Variants in DMXL2 observed in about 807,000 individuals in gnomAD.
DMXL2 encodes Dmx like 2.
In DMXL2, 103 loss-of-function variants were observed where a neutral mutation model predicts 331.1. The ratio of observed to expected loss-of-function variants is 0.31; its 90% confidence interval spans 0.27 to 0.37. DMXL2 has a LOEUF of 0.37. Among genes scored for constraint, DMXL2 ranks in the 10% least tolerant of loss-of-function variants. DMXL2 has a pLI of 1.00. For missense variants in DMXL2, 3,171 were observed against 3,642.9 expected (o/e 0.87, Z 3.33); for synonymous variants, 1,281 against 1,252.1 (o/e 1.02, Z -0.49).
intron 33 of DMXL2, among the ~76,000 whole-genome samples, chr15:51,461,433 A>ATACT (rs2040111608): frequency 6.6e-6 from 1 of 152,332 alleles, no homozygotes; most frequent in African/African-American, 2.4e-5. Context: ...AACCTTACCA[A>ATACT]TACTTAAAAC....
chr15:51,488,254 T>A, intron 21 of DMXL2, 135 bp from the exon 22 acceptor site: 1 of 861,550 alleles, frequency 1.2e-6, no homozygotes, highest in Non-Finnish European at 1.7e-6. Flanking sequence ...GCATTTGTTA[T>A]CAAGCATCTC....
chr15:51,453,773 T>TAA, intron 40 of DMXL2, 132 bp from the exon 41 acceptor site: 1 of 678,714 alleles, frequency 1.5e-6, no homozygotes, highest in East Asian at 3.0e-5. Context: ...CGGTCTAGGA[T>TAA]AAAAGAATAA....
intron 1 of DMXL2, among the ~76,000 whole-genome samples, chr15:51,589,000 C>G (rs1018429161): frequency 1.3e-5 from 2 of 152,154 alleles, no homozygotes; most frequent in African/African-American, 4.8e-5. Flanking sequence ...TAAGCAGGCA[C>G]AGTATGTTCT....
chr15:51,512,041 G>A (rs140705296), intron 15 of DMXL2, among the ~76,000 whole-genome samples: 3 of 152,058 alleles, frequency 2.0e-5, no homozygotes, highest in Non-Finnish European at 4.4e-5. Context: ...GGGCCTGTTG[G>A]GGGGTGGGGG....
intron 33 of DMXL2, among the ~76,000 whole-genome samples, chr15:51,462,485 G>A (rs766258916): frequency 2.6e-5 from 4 of 151,942 alleles, no homozygotes; most frequent in African/African-American, 4.8e-5. Context: ...ACAGACATGC[G>A]CCACCACGCC....
intron 28 of DMXL2, among the ~76,000 whole-genome samples, chr15:51,473,184 C>G (rs1319355391): frequency 2.0e-5 from 3 of 152,200 alleles, no homozygotes; most frequent in Non-Finnish European, 2.9e-5. Flanking sequence ...TTCCAACCAC[C>G]TTAACTAAAC....
chr15:51,536,317 G>A lies in DMXL2; in HGVS notation c.2163C>T (p.Ile721=), dbSNP rs2048283928. 1 of 1,614,036 alleles carries A rather than the reference G, an allele frequency of 6.2e-7. No homozygotes were observed. Among genetic ancestry groups the A allele is most frequent in the East Asian group, 2.2e-5 (1 of 44,882 alleles). The change falls in exon 12 of 44, where the codon ATC becomes ATT. Residue 721 remains isoleucine (I), a synonymous_variant. Transcript: ENST00000560891. The part of the protein sequence containing the change: ...ATRTFHDPNA[I]YSELILWRVD... ...CACGCCACAGAATAAGTTCACTGTA[G>A]ATTGCATTTGGGTCATGAAATGTAC...
chr15:51,556,789 A>C (rs1019969374), intron 6 of DMXL2, among the ~76,000 whole-genome samples: 6 of 152,128 alleles, frequency 3.9e-5, no homozygotes, highest in African/African-American at 1.4e-4. Context: ...AAAAGATAAA[A>C]ATTGTCTCAT....
intron 1 of DMXL2, among the ~76,000 whole-genome samples, chr15:51,609,181 C>T (rs566924201): frequency 1.3e-5 from 2 of 152,122 alleles, no homozygotes; most frequent in South Asian, 2.1e-4. Context: ...AGGGAAAAAA[C>T]TGAATGAAAA....
intron 13 of DMXL2, among the ~76,000 whole-genome samples, chr15:51,531,723 A>G (rs76254952): frequency 4.2e-4 from 64 of 152,374 alleles, no homozygotes; most frequent in African/African-American, 1.5e-3. Context: ...ATTTGAACAG[A>G]TATTTCTTAA....
intron 6 of DMXL2, among the ~76,000 whole-genome samples, chr15:51,552,183 T>C (rs191293757): frequency 9.8e-5 from 15 of 152,296 alleles, no homozygotes; most frequent in African/African-American, 3.4e-4. Flanking sequence ...GGCCAGATCA[T>C]ACAGCAGAGC....
intron 6 of DMXL2, among the ~76,000 whole-genome samples, chr15:51,551,258 T>C (rs1596226219): frequency 6.6e-6 from 1 of 152,168 alleles, no homozygotes; most frequent in Admixed American, 6.5e-5. Context: ...ATAGGATCCT[T>C]ACCAGAAAAG....
intron 24 of DMXL2, 46 bp downstream of exon 24, chr15:51,480,496 G>A (rs538287082): frequency 1.4e-6 from 2 of 1,474,096 alleles, no homozygotes; most frequent in African/African-American, 1.4e-5. Context: ...AAGAGCTACT[G>A]AAATTACTGA....
chr15:51,567,121 C>CA (rs1237924366), intron 3 of DMXL2: 2 of 141,208 alleles, frequency 1.4e-5, no homozygotes, highest in African/African-American at 5.3e-5. Context: ...AGGATCACTG[C>CA]AACCTCCACC....
Position 51,491,745 on chromosome 15 carries a change from C to T in DMXL2, c.4786G>A (p.Val1596Ile), listed in dbSNP as rs749254049. The change falls in exon 20 of 44, where the codon GTC (valine) becomes ATC (isoleucine). Residue 1596 changes from valine (V) to isoleucine (I), a missense_variant and splice_region_variant. Coordinates refer to ENST00000560891, the MANE Select transcript of DMXL2 (RefSeq NM_001378457.1). ...GCCCAGGCAAAATGGCATGTAGAGA[C>T]ACCTAAATTGGAAATATAAAATAAT... ...LYRVQLLHQG[V>I]STCHFAWAFH... is the part of the protein sequence containing the mutation. 6.3e-6 allele frequency: 10 copies of T among 1,587,298 alleles called. No individual in the cohort carries two copies. The highest frequency in any genetic ancestry group is 8.5e-6 in the Non-Finnish European group (10 of 1,172,742).
intron 1 of DMXL2, among the ~76,000 whole-genome samples, chr15:51,598,965 T>C (rs1015561893): frequency 2.1e-4 from 32 of 152,272 alleles, no homozygotes; most frequent in African/African-American, 7.2e-4. Flanking sequence ...AATGGCAATT[T>C]TCTAATTCCA....
chr15:51,566,237 GT>G (rs1291722932), intron 3 of DMXL2, among the ~76,000 whole-genome samples: 7 of 3,132 alleles, frequency 2.2e-3, no homozygotes, highest in Admixed American at 4.0e-3. Context: ...TGTGGGGTGT[GT>G]GTGTGTGTGT....
chr15:51,597,128 C>T (rs1000055469), intron 1 of DMXL2, among the ~76,000 whole-genome samples: 3 of 152,092 alleles, frequency 2.0e-5, no homozygotes, highest in African/African-American at 7.2e-5. Context: ...TAAAACCTCA[C>T]AAAACCCACT....
rs2043490278 is a variant in DMXL2, at chr15:51,500,251, A to G, written c.2993-20T>C. 3 of 1,564,898 alleles carry G rather than the reference A, an allele frequency of 1.9e-6. No individual in the cohort carries two copies. The highest frequency in any genetic ancestry group is 2.6e-6 in the Non-Finnish European group (3 of 1,160,126). On this transcript the variant is annotated intron_variant, in intron 17 of 43. Coordinates refer to ENST00000560891, the MANE Select transcript of DMXL2 (RefSeq NM_001378457.1). ...GATGGCCTTAAAAAAGAAAAAGCAA[A>G]TAGTTAGTTGTAATAATAATAAAGC...
Sources: allele counts gnomAD v4.1 joint callset (sites outside exome capture counted in the v4.1 genomes callset), GRCh38; gene constraint gnomAD v4.1.1; transcripts MANE v1.5; gene names NCBI Gene and HGNC (gene_info 2026-07-23, HGNC 2026-07-21).